NFIA: variants seen among roughly 807,000 people sequenced by gnomAD.
NFIA encodes the protein nuclear factor 1 A-type.
NFIA carries 8 observed loss-of-function variants against 62.8 expected under a neutral mutation model. The ratio of observed to expected loss-of-function variants is 0.13; its 90% confidence interval spans 0.07 to 0.23. The LOEUF is 0.23. Ranked by LOEUF, NFIA falls within the 10% of genes least tolerant of loss-of-function variation. The pLI is 1.00. For missense variants in NFIA, 410 were observed against 642.1 expected (o/e 0.64, Z 3.91); for synonymous variants, 235 against 238.1 (o/e 0.99, Z 0.12).
intron 2 of NFIA, among the ~76,000 whole-genome samples, chr1:61,256,974 G>A (rs1057001557): frequency 6.6e-6 from 1 of 152,154 alleles, no homozygotes; most frequent in African/African-American, 2.4e-5. Context: ...TCAACTTAGA[G>A]CTGCATTTAA....
In NFIA at chr1:61,204,622, A is replaced by C. The variant is rs111433946; in HGVS notation, c.560-72898A>C. 3.9e-3 allele frequency among the ~76,000 whole-genome samples: 599 copies of C among 152,262 alleles called. 5 individuals carry two copies. Among genetic ancestry groups the C allele is most frequent in the African/African-American group, 0.013 (556 of 41,548 alleles). On this transcript the variant is annotated intron_variant, in intron 2 of 10. Transcript: ENST00000403491. The stretch of plus-strand genomic sequence containing the variant: ...TGCACTAAAATTAGATTTAATTTCC[A>C]GCTGTGGGTATTTGTATTATGTCTG...
chr1:61,325,666 C>T (rs577124336), intron 3 of NFIA, among the ~76,000 whole-genome samples: 1 of 152,046 alleles, frequency 6.6e-6, no homozygotes, highest in African/African-American at 2.4e-5. Context: ...CGCCTGTAAT[C>T]CCAGCACTTT....
chr1:61,454,382 AT>A (rs1408633774), intron 10 of NFIA, among the ~76,000 whole-genome samples: 1 of 152,212 alleles, frequency 6.6e-6, no homozygotes, highest in Non-Finnish European at 1.5e-5. Flanking sequence ...ATAAAGTGAT[AT>A]ATGACCAGAC....
intron 2 of NFIA, among the ~76,000 whole-genome samples, chr1:61,230,989 C>A (rs1028866537): frequency 6.6e-6 from 1 of 152,164 alleles, no homozygotes; most frequent in Non-Finnish European, 1.5e-5. Context: ...AGGGACTTAC[C>A]TTCCCTGTTT....
At chr1:61,433,269 C>T (rs1667184455) in intron 10 of NFIA, among the ~76,000 whole-genome samples, 1 of 152,190 alleles carries the variant, frequency 6.6e-6, no homozygotes, top group African/African-American at 2.4e-5. Flanking sequence ...TTCATTCTCT[C>T]ATCCTGCCTG....
intron 2 of NFIA, among the ~76,000 whole-genome samples, chr1:61,197,665 G>A (rs1446106645): frequency 6.6e-6 from 1 of 152,068 alleles, no homozygotes; most frequent in Non-Finnish European, 1.5e-5. Context: ...TCAAGTTACT[G>A]TGAGTCAAGG....
intron 2 of NFIA, among the ~76,000 whole-genome samples, chr1:61,244,831 C>T (rs1213318964): frequency 1.3e-5 from 2 of 152,148 alleles, no homozygotes; most frequent in Non-Finnish European, 2.9e-5. Context: ...TTTCTACGTA[C>T]ACACCTAATA....
intron 2 of NFIA, among the ~76,000 whole-genome samples, chr1:61,109,530 T>C (rs969175750): frequency 1.3e-5 from 2 of 151,776 alleles, no homozygotes; most frequent in Non-Finnish European, 2.9e-5. Flanking sequence ...ATTTAGAAAA[T>C]ATTATTTAAT....
At chr1:61,083,973 T>C (rs1459425697) in intron 1 of NFIA, among the ~76,000 whole-genome samples, 1 of 152,070 alleles carries the variant, frequency 6.6e-6, no homozygotes, top group African/African-American at 2.4e-5. Flanking sequence ...CCGGTCCCCT[T>C]TGAATATGTT....
At chr1:61,170,703 G>C (rs907049629) in intron 2 of NFIA, among the ~76,000 whole-genome samples, 2 of 152,258 alleles carry the variant, frequency 1.3e-5, no homozygotes, top group Admixed American at 1.3e-4. Flanking sequence ...GTGGTGTATA[G>C]TAGGAAGCAT....
At chr1:61,186,184 G>A (rs1193348776) in intron 2 of NFIA, among the ~76,000 whole-genome samples, 1 of 152,034 alleles carries the variant, frequency 6.6e-6, no homozygotes, top group African/African-American at 2.4e-5. Context: ...CACACTGGTT[G>A]GGAGAAGACA....
At chr1:61,355,348 A>G (rs1043309628) in intron 5 of NFIA, among the ~76,000 whole-genome samples, 1 of 152,196 alleles carries the variant, frequency 6.6e-6, no homozygotes, top group Non-Finnish European at 1.5e-5. Flanking sequence ...ATGTGATGCA[A>G]TGGTACTGAC....
chr1:61,080,651 C>A (rs942867320), upstream of NFIA, among the ~76,000 whole-genome samples: 2 of 152,104 alleles, frequency 1.3e-5, no homozygotes, highest in Admixed American at 1.3e-4. Context: ...TGAGAGGAAC[C>A]AAGGAAAAGC....
At chr1:61,271,427 T>G (rs917227555) in intron 2 of NFIA, among the ~76,000 whole-genome samples, 1 of 152,184 alleles carries the variant, frequency 6.6e-6, no homozygotes, top group Non-Finnish European at 1.5e-5. Context: ...TTCACAAACT[T>G]GTGGCCAGAA....
At chr1:61,096,447 A>G (rs2100427756) in intron 2 of NFIA, among the ~76,000 whole-genome samples, 1 of 151,116 alleles carries the variant, frequency 6.6e-6, no homozygotes, top group Admixed American at 6.6e-5. Flanking sequence ...CAGGTGTTCC[A>G]CCTGCCTCGG....
intron 6 of NFIA, among the ~76,000 whole-genome samples, chr1:61,369,356 G>A (rs746928761): frequency 1.3e-5 from 2 of 152,114 alleles, no homozygotes; most frequent in Non-Finnish European, 2.9e-5. Flanking sequence ...TAATCTGAAT[G>A]GAGATTAAAT....
chr1:61,236,534 G>A (rs1416935608), intron 2 of NFIA, among the ~76,000 whole-genome samples: 4 of 151,894 alleles, frequency 2.6e-5, no homozygotes, highest in South Asian at 2.1e-4. Flanking sequence ...AGAAAATGCC[G>A]AAGTTGTAGG....
At chr1:61,215,028 C>G (rs1451873397) in intron 2 of NFIA, among the ~76,000 whole-genome samples, 2 of 150,500 alleles carry the variant, frequency 1.3e-5, no homozygotes, top group African/African-American at 2.5e-5. Context: ...ACCACTTCTT[C>G]AACAAAATAA....
At chr1:61,155,355 A>G (rs1438491386) in intron 2 of NFIA, among the ~76,000 whole-genome samples, 1 of 152,168 alleles carries the variant, frequency 6.6e-6, no homozygotes, top group Non-Finnish European at 1.5e-5. Flanking sequence ...AGTTTTTTCG[A>G]GAAACAAATG....
Sources: gnomAD v4.1 joint callset for allele counts (sites outside exome capture counted in the v4.1 genomes callset) on GRCh38, gnomAD v4.1.1 for gene constraint, MANE v1.5 for transcripts, NCBI Gene and HGNC (gene_info 2026-07-23, HGNC 2026-07-21) for gene names.